Variants in AK4 observed in about 807,000 individuals in gnomAD.
The protein encoded by AK4 is adenylate kinase 4, mitochondrial.
AK4 carries 13 observed loss-of-function variants against 24.6 expected under a neutral mutation model. The observed-to-expected ratio is 0.53, with a 90% CI of 0.34 to 0.84. AK4 has a LOEUF of 0.84. AK4 is among the 40% of genes least tolerant of loss of function. The probability of loss-of-function intolerance (pLI) is 0.01; values close to 1 mark genes in which losing one functional copy is unlikely to be tolerated. For synonymous variants in AK4, 88 were observed against 107.0 expected, an observed-to-expected ratio of 0.82 and a Z score of 1.10; for missense variants, 192 against 288.2, an observed-to-expected ratio of 0.67 and a Z score of 2.42.
intron 2 of AK4, among the ~76,000 whole-genome samples, chr1:65,202,643 A>G (rs1651696146): frequency 6.6e-6 from 1 of 152,118 alleles, no homozygotes; most frequent in Admixed American, 6.5e-5. Context: ...GAAACAGGTA[A>G]TTCATCCAGT....
chr1:65,204,750 T>TA, intron 2 of AK4, among the ~76,000 whole-genome samples: 1 of 152,314 alleles, frequency 6.6e-6, no homozygotes, highest in Admixed American at 6.5e-5. Context: ...AACCTCCTCT[T>TA]ACCCTTCATC....
chr1:65,221,511 C>T (rs1476225673), intron 3 of AK4, among the ~76,000 whole-genome samples: 1 of 152,192 alleles, frequency 6.6e-6, no homozygotes, highest in African/African-American at 2.4e-5. Context: ...TGTGCCACTG[C>T]ACTTCAGCCT....
intron 2 of AK4, among the ~76,000 whole-genome samples, chr1:65,208,559 G>T (rs1651877476): frequency 6.6e-6 from 1 of 152,210 alleles, no homozygotes; most frequent in Admixed American, 6.5e-5. Context: ...CAACTGGGAA[G>T]AGATGGGCGG....
chr1:65,178,080 G>A (rs1650777547), intron 1 of AK4, among the ~76,000 whole-genome samples: 2 of 152,112 alleles, frequency 1.3e-5, no homozygotes, highest in Non-Finnish European at 2.9e-5. Context: ...GTAATGAGAA[G>A]TTCATCTAAT....
intron 2 of AK4, among the ~76,000 whole-genome samples, chr1:65,210,522 A>G (rs1651941741): frequency 6.6e-6 from 1 of 152,180 alleles, no homozygotes; most frequent in African/African-American, 2.4e-5. Flanking sequence ...TTCTGTATTA[A>G]AGAAAACCTA....
intron 3 of AK4, among the ~76,000 whole-genome samples, chr1:65,222,281 C>T (rs1570146932): frequency 6.6e-6 from 1 of 152,192 alleles, no homozygotes; most frequent in East Asian, 1.9e-4. Flanking sequence ...CCATCTTGAA[C>T]ATGTCTAGTC....
Position 65,192,440 on chromosome 1 carries a change from A to G in AK4, c.265+1611A>G, listed in dbSNP as rs373664718. ...TTACCTCTTAAAGGCTCCATCTCCC[A>G]TAACATTTCATTGCCAATTAAATTT... is the stretch of plus-strand genomic sequence containing the variant. On this transcript the variant is annotated intron_variant, in intron 2 of 4. Transcript: ENST00000327299. Among the ~76,000 whole-genome samples the G allele has an allele frequency of 1.3e-3, 192 of 152,354 alleles. 8 individuals carry two copies. The South Asian group carries it at 0.038, about 30-fold the overall frequency.
chr1:65,188,769 C>T (rs138728362), intron 1 of AK4, among the ~76,000 whole-genome samples: 2,121 of 150,528 alleles, frequency 0.014, 53 homozygotes, highest in African/African-American at 0.05. Context: ...TGAGCCACCG[C>T]GCCTGACCTA....
chr1:65,157,333 A>G (rs1650017435), intron 1 of AK4, among the ~76,000 whole-genome samples: 1 of 152,212 alleles, frequency 6.6e-6, no homozygotes, highest in Admixed American at 6.5e-5. Context: ...AGCATGCTGC[A>G]CTGAATGTCC....
Position 65,168,404 on chromosome 1 carries a change from C to T in AK4, c.145+19852C>T, listed in dbSNP as rs113551106. The stretch of plus-strand genomic sequence containing the variant: ...CAGGTGATTTACCCGCCTTGGCCTC[C>T]CAAAGTGCTGGGATTACAGGTGTGA... On this transcript the variant is annotated intron_variant, in intron 1 of 4. Transcript: ENST00000327299. 9.0e-3 allele frequency among the ~76,000 whole-genome samples: 1,366 copies of T among 152,176 alleles called. 24 individuals are homozygous for T. The highest frequency in any genetic ancestry group is 0.031 in the African/African-American group (1,305 of 41,526).
chr1:65,210,886 G>A (rs1447473169), intron 2 of AK4, among the ~76,000 whole-genome samples: 1 of 152,134 alleles, frequency 6.6e-6, no homozygotes, highest in Non-Finnish European at 1.5e-5. Context: ...ATTTTCATAG[G>A]CACAGAGAGG....
intron 1 of AK4, among the ~76,000 whole-genome samples, chr1:65,189,374 G>A (rs1452200225): frequency 6.7e-6 from 1 of 149,978 alleles, no homozygotes; most frequent in East Asian, 2.0e-4. Flanking sequence ...CGCCTCCTGG[G>A]TTCAAGTGAT....
Position 65,226,143 on chromosome 1 carries a change from A to G in AK4, c.638A>G (p.Lys213Arg), listed in dbSNP as rs539317041. 7.5e-5 allele frequency: 121 copies of G among 1,610,918 alleles called. 1 individual carries two copies. In the South Asian group the frequency reaches 1.2e-3, roughly 16 times the overall value. Residue 213 changes from lysine to arginine, a missense_variant, in exon 5 of 5, where the codon AAG becomes AGG. Lys to Arg is a conservative substitution (Grantham distance 26). Transcript: ENST00000327299. ...WPYVYTLFSN[K>R]ITPIQSKEAY The stretch of plus-strand genomic sequence containing the variant: ...TACGTTTACACACTTTTCTCAAACA[A>G]GATCACACCTATTCAGTCCAAAGAA...
rs1651310102 is a variant in AK4 at position 65,191,608 on chromosome 1, A to G, written c.265+779A>G. 2.0e-5 allele frequency among the ~76,000 whole-genome samples: 3 copies of G among 150,842 alleles called. No individual in the cohort carries two copies. In the South Asian group the frequency reaches 6.3e-4, roughly 32 times the overall value. Reference sequence around the variant, plus strand: ...TGAAAGGGGAATGAGTTATCTTAGTATTTTTTCTGAGCCTGCAAGCAGAGG... The same window carrying G: ...TGAAAGGGGAATGAGTTATCTTAGTGTTTTTTCTGAGCCTGCAAGCAGAGG... On this transcript the variant is annotated intron_variant, in intron 2 of 4. Coordinates refer to ENST00000327299, the MANE Select transcript of AK4 (RefSeq NM_013410.4).
At chr1:65,148,740 G>A (rs1021892374) in intron 1 of AK4, among the ~76,000 whole-genome samples, 188 bp downstream of exon 1, 6 of 151,766 alleles carry the variant, frequency 4.0e-5, no homozygotes, top group Non-Finnish European at 8.8e-5. Context: ...GGAGGCCGAG[G>A]CTCCAGGGGC....
chr1:65,147,594 TG>T (rs1285464384), upstream of AK4: 1 of 151,484 alleles, frequency 6.6e-6, no homozygotes, highest in Non-Finnish European at 1.5e-5. Flanking sequence ...GCTCCGCGAC[TG>T]GGCGGGCGGA....
chr1:65,188,518 G>A (rs1049246466), intron 1 of AK4, among the ~76,000 whole-genome samples: 9 of 151,506 alleles, frequency 5.9e-5, no homozygotes, highest in African/African-American at 1.5e-4. Context: ...TTGCTCTGTC[G>A]CCCAGGTTGG....
At chr1:65,181,322 A>G (rs1314429878) in intron 1 of AK4, among the ~76,000 whole-genome samples, 2 of 151,862 alleles carry the variant, frequency 1.3e-5, no homozygotes, top group African/African-American at 4.8e-5. Flanking sequence ...GCATGTAGCC[A>G]TCAACATTAT....
At chr1:65,150,961 CT>C (rs895161642) in intron 1 of AK4, among the ~76,000 whole-genome samples, 10 of 149,958 alleles carry the variant, frequency 6.7e-5, no homozygotes, top group Non-Finnish European at 7.4e-5. Context: ...CTGCACATAA[CT>C]TTTTTTTTTT....
Sources: allele counts gnomAD v4.1 joint callset (sites outside exome capture counted in the v4.1 genomes callset), GRCh38; gene constraint gnomAD v4.1.1; transcripts MANE v1.5; gene names NCBI Gene and HGNC (gene_info 2026-07-23, HGNC 2026-07-21).